Variants in KIF3C observed in about 807,000 individuals in gnomAD.
KIF3C encodes kinesin-like protein KIF3C.
KIF3C carries 12 observed loss-of-function variants against 67.7 expected under a neutral mutation model. The observed-to-expected ratio is 0.18, with a 90% confidence interval of 0.11 to 0.29. KIF3C has a LOEUF of 0.29. Among genes scored for constraint, KIF3C ranks in the 10% least tolerant of loss-of-function variants. The pLI is 1.00. For synonymous variants in KIF3C, 393 were observed against 426.2 expected, an observed-to-expected ratio of 0.92 and a Z score of 0.96; for missense variants, 789 against 1,059.6, an observed-to-expected ratio of 0.74 and a Z score of 3.55.
chr2:25,959,678 G>C (rs1362151486), intron 1 of KIF3C, among the ~76,000 whole-genome samples: 2 of 152,100 alleles, frequency 1.3e-5, no homozygotes, highest in Non-Finnish European at 1.5e-5. Context: ...GACCTCAAGT[G>C]ATCCGCCTGC....
chr2:25,929,112 A>G (rs2090436385), intron 7 of KIF3C, 41 bp from the exon 8 acceptor site: 6 of 1,566,360 alleles, frequency 3.8e-6, no homozygotes, highest in Non-Finnish European at 4.4e-6. Flanking sequence ...AGGTTAGGGA[A>G]ATACAGGAAA....
chr2:25,975,264 G>A (rs1257330422), intron 1 of KIF3C, among the ~76,000 whole-genome samples: 2 of 151,930 alleles, frequency 1.3e-5, no homozygotes, highest in Non-Finnish European at 2.9e-5. Context: ...GGGCTCAAGC[G>A]ATCCTCCCAC....
At chr2:25,961,724 T>C (rs1663947465) in intron 1 of KIF3C, among the ~76,000 whole-genome samples, 1 of 152,202 alleles carries the variant, frequency 6.6e-6, no homozygotes, top group African/African-American at 2.4e-5. Flanking sequence ...TGTGGCTGAA[T>C]TGGGAGTACT....
At chr2:25,937,963 G>C (rs940077970) in intron 5 of KIF3C, among the ~76,000 whole-genome samples, 6 of 151,874 alleles carry the variant, frequency 4.0e-5, no homozygotes, top group Non-Finnish European at 8.8e-5. Context: ...GCTGAGGTGA[G>C]AGAATCACTT....
intron 5 of KIF3C, among the ~76,000 whole-genome samples, chr2:25,948,798 C>T (rs933268901): frequency 9.9e-5 from 15 of 151,308 alleles, no homozygotes; most frequent in South Asian, 8.4e-4. Flanking sequence ...AAAGCTCATT[C>T]GAACTTCAGG....
rs1370982499 is a variant in KIF3C, at chr2:25,928,845, A to G, written c.*133T>C. 3 of 677,602 alleles carry G rather than the reference A, an allele frequency of 4.4e-6. No homozygotes were observed. The highest frequency in any genetic ancestry group is 7.6e-6 in the Non-Finnish European group (3 of 397,010). 42.0% of individuals were successfully genotyped at this position (677,602 alleles called of 1,614,324 possible). ...AGAGCAGGCAGAGGCACCATCTGCC[A>G]GATTCTCACCCCTGCACACACGCAC... On this transcript the variant is annotated 3_prime_UTR_variant, in exon 8 of 8. Coordinates refer to ENST00000264712, the MANE Select transcript of KIF3C (RefSeq NM_002254.8).
intron 5 of KIF3C, among the ~76,000 whole-genome samples, chr2:25,946,666 G>A (rs995483138): frequency 6.6e-6 from 1 of 152,090 alleles, no homozygotes; most frequent in East Asian, 1.9e-4. Flanking sequence ...CCAGCCTGAC[G>A]ACAGAGCTAG....
At position 25,930,888 on chromosome 2, in the gene KIF3C, G is replaced by T. The variant is rs1044858661; in HGVS notation, c.2007-825C>A. 4.6e-5 allele frequency among the ~76,000 whole-genome samples: 7 copies of T among 151,930 alleles called. No homozygotes were observed. In the East Asian group the frequency reaches 1.2e-3, roughly 25 times the overall value. On this transcript the variant is annotated intron_variant, in intron 5 of 7. Transcript: ENST00000264712. ...TTTAGTAGAGATGGGGTTTTACCAC[G>T]TTGGCCAAGCTGGTCTCGAACTCCT...
At chr2:25,939,195 T>C (rs1222968186) in intron 5 of KIF3C, among the ~76,000 whole-genome samples, 2 of 152,188 alleles carry the variant, frequency 1.3e-5, no homozygotes, top group African/African-American at 4.8e-5. Flanking sequence ...CTCGAACTCC[T>C]GGCCTGAAGT....
intron 1 of KIF3C, among the ~76,000 whole-genome samples, chr2:25,976,917 C>T (rs777713189): frequency 3.0e-4 from 45 of 152,142 alleles, no homozygotes; most frequent in Non-Finnish European, 5.4e-4. Flanking sequence ...GTTTTCACTG[C>T]GCAGTACCAA....
At chr2:25,952,928 C>A (rs1335981337) in intron 4 of KIF3C, among the ~76,000 whole-genome samples, 3 of 149,498 alleles carry the variant, frequency 2.0e-5, no homozygotes, top group Admixed American at 1.3e-4. Flanking sequence ...GGGATGGATA[C>A]CCCATTCTCC....
chr2:25,956,238 G>T, intron 2 of KIF3C, 105 bp downstream of exon 2: 1 of 844,324 alleles, frequency 1.2e-6, no homozygotes, highest in Non-Finnish European at 1.9e-6. Context: ...TCTCAGCACT[G>T]TAATTCCAGA....
Position 25,956,464 on chromosome 2 carries a change from G to T in KIF3C, c.1546-20C>A. ...CATGGCCTGGGGACACAGAGGGGTT[G>T]GGAGGTGGGCTTTGCAAAGGGTCCA... On this transcript the variant is annotated intron_variant, in intron 1 of 7. Coordinates refer to ENST00000264712, the MANE Select transcript of KIF3C (RefSeq NM_002254.8). The T allele has an allele frequency of 6.3e-7, 1 of 1,594,916 alleles. No individual in the cohort carries two copies. Among genetic ancestry groups the T allele is most frequent in the Non-Finnish European group, 8.6e-7 (1 of 1,163,214 alleles).
intron 1 of KIF3C, among the ~76,000 whole-genome samples, chr2:25,969,888 G>C (rs1031499444): frequency 6.6e-6 from 1 of 152,110 alleles, no homozygotes; most frequent in African/African-American, 2.4e-5. Flanking sequence ...GCTAATTTTT[G>C]TATTTTTGGT....
intron 5 of KIF3C, among the ~76,000 whole-genome samples, chr2:25,947,536 G>A (rs1663479216): frequency 6.6e-6 from 1 of 151,694 alleles, no homozygotes; most frequent in Admixed American, 6.6e-5. Flanking sequence ...AGCTGAGATA[G>A]CGCCACTGCA....
intron 1 of KIF3C, among the ~76,000 whole-genome samples, chr2:25,961,070 C>G (rs1663932642): frequency 6.6e-6 from 1 of 152,232 alleles, no homozygotes; most frequent in African/African-American, 2.4e-5. Context: ...TAAAGGAAAT[C>G]AACATGTTTC....
At chr2:25,973,034 G>A (rs942781271) in intron 1 of KIF3C, among the ~76,000 whole-genome samples, 3 of 151,764 alleles carry the variant, frequency 2.0e-5, no homozygotes, top group Admixed American at 6.6e-5. Context: ...TAAATCTTCT[G>A]GTCTTAATTT....
intron 1 of KIF3C, among the ~76,000 whole-genome samples, chr2:25,969,445 T>C (rs777761302): frequency 2.0e-5 from 3 of 152,036 alleles, no homozygotes; most frequent in Non-Finnish European, 2.9e-5. Flanking sequence ...AACTTATCCA[T>C]GTAACCAAAC....
chr2:25,970,394 G>A (rs1042747505), intron 1 of KIF3C, among the ~76,000 whole-genome samples: 1 of 151,960 alleles, frequency 6.6e-6, no homozygotes, highest in East Asian at 1.9e-4. Flanking sequence ...CAGGCCGGGC[G>A]CGGTGGCTCA....
Sources: gnomAD v4.1 joint callset for allele counts (sites outside exome capture counted in the v4.1 genomes callset) on GRCh38, gnomAD v4.1.1 for gene constraint, MANE v1.5 for transcripts, NCBI Gene and HGNC (gene_info 2026-07-23, HGNC 2026-07-21) for gene names.